The following CCSER1 variants were observed in gnomAD, a reference collection of about 807,000 sequenced individuals.
CCSER1 encodes the protein coiled-coil serine rich protein 1.
In CCSER1, 41 loss-of-function variants were observed where a neutral mutation model predicts 82.0. The ratio of observed to expected loss-of-function variants is 0.50; its 90% CI spans 0.39 to 0.65. CCSER1 has a LOEUF of 0.65. CCSER1 is among the 30% of genes least tolerant of loss of function. The probability of loss-of-function intolerance (pLI) is 0.00; values close to 1 mark genes in which losing one functional copy is unlikely to be tolerated. For missense variants in CCSER1, 1,119 were observed against 1,064.2 expected (o/e 1.05, Z -0.72); for synonymous variants, 414 against 383.9 (o/e 1.08, Z -0.92).
intron 10 of CCSER1, among the ~76,000 whole-genome samples, chr4:91,091,419 A>C (rs543507791): frequency 6.6e-6 from 1 of 152,352 alleles, no homozygotes; most frequent in African/African-American, 2.4e-5. Context: ...CATAATAACT[A>C]TAGAACAAAA....
chr4:90,635,954 G>A (rs1193146443), intron 6 of CCSER1, among the ~76,000 whole-genome samples: 1 of 151,450 alleles, frequency 6.6e-6, no homozygotes, highest in Non-Finnish European at 1.5e-5. Context: ...TCCAAACGAA[G>A]CATGTAGAAA....
At chr4:90,686,717 G>A (rs1049307460) in intron 6 of CCSER1, among the ~76,000 whole-genome samples, 3 of 151,988 alleles carry the variant, frequency 2.0e-5, no homozygotes, top group Non-Finnish European at 2.9e-5. Flanking sequence ...TCCCAAATGG[G>A]CAAGCATTTA....
At chr4:91,312,832 A>G (rs1486752647) in intron 10 of CCSER1, among the ~76,000 whole-genome samples, 1 of 151,972 alleles carries the variant, frequency 6.6e-6, no homozygotes, top group Non-Finnish European at 1.5e-5. Context: ...TACCCTATAA[A>G]TGTATATACA....
intron 5 of CCSER1, among the ~76,000 whole-genome samples, chr4:90,534,352 A>G (rs1775009030): frequency 6.6e-6 from 1 of 150,998 alleles, no homozygotes; most frequent in Non-Finnish European, 1.5e-5. Context: ...TATGGTCTTG[A>G]TCTTCTGACC....
At chr4:91,240,143 T>C (rs1716444906) in intron 10 of CCSER1, among the ~76,000 whole-genome samples, 1 of 56,832 alleles carries the variant, frequency 1.8e-5, no homozygotes, top group Non-Finnish European at 3.2e-5. Context: ...TGGCACGATC[T>C]TGGCTCACTG....
chr4:90,637,111 A>C (rs1379658819), intron 6 of CCSER1, among the ~76,000 whole-genome samples: 1 of 152,092 alleles, frequency 6.6e-6, no homozygotes, highest in Non-Finnish European at 1.5e-5. Context: ...GTAGTTACCT[A>C]TGGGTTATGG....
intron 10 of CCSER1, among the ~76,000 whole-genome samples, chr4:91,493,558 G>T (rs1329422139): frequency 1.3e-5 from 2 of 151,412 alleles, no homozygotes; most frequent in African/African-American, 2.4e-5. Context: ...TTATTATTTT[G>T]TTTTTCTTAG....
intron 10 of CCSER1, among the ~76,000 whole-genome samples, chr4:91,281,527 T>A (rs1742907342): frequency 6.6e-6 from 1 of 152,188 alleles, no homozygotes; most frequent in Non-Finnish European, 1.5e-5. Flanking sequence ...AACTGTGATC[T>A]GGGGAGACAA....
At chr4:90,447,586 TAA>T (rs1223725769) in intron 4 of CCSER1, among the ~76,000 whole-genome samples, 2 of 152,224 alleles carry the variant, frequency 1.3e-5, no homozygotes, top group African/African-American at 4.8e-5. Flanking sequence ...ACTAAATATG[TAA>T]AGTGACTAGT....
intron 6 of CCSER1, among the ~76,000 whole-genome samples, chr4:90,670,417 T>A (rs1297810354): frequency 6.6e-6 from 1 of 152,036 alleles, no homozygotes; most frequent in Non-Finnish European, 1.5e-5. Flanking sequence ...TTCAGCCATA[T>A]CTCATGGGGA....
intron 4 of CCSER1, among the ~76,000 whole-genome samples, chr4:90,425,880 A>AT (rs201265006): frequency 0.018 from 2,691 of 152,284 alleles, 34 homozygotes; most frequent in African/African-American, 0.038. Flanking sequence ...AGTAACAAAT[A>AT]AAGCTGTGCA....
Position 90,296,445 on chromosome 4 carries a change from C to T in CCSER1, c.-41-11799C>T, listed in dbSNP as rs143559749. ...AATTTTCTCCTATTCTGTAGGTTGC[C>T]GGTTCACTCTGATGGTGGCTTCTTT... On this transcript the variant is annotated intron_variant, in intron 1 of 10. Coordinates refer to ENST00000509176, the MANE Select transcript of CCSER1 (RefSeq NM_001145065.2). Among the ~76,000 whole-genome samples the T allele has an allele frequency of 5.2e-4, 79 of 152,100 alleles. 2 individuals carry two copies. The highest frequency in any genetic ancestry group is 4.4e-3 in the East Asian group (23 of 5,176).
At chr4:91,420,228 C>T (rs907693506) in intron 10 of CCSER1, among the ~76,000 whole-genome samples, 2 of 151,972 alleles carry the variant, frequency 1.3e-5, no homozygotes, top group Non-Finnish European at 2.9e-5. Context: ...AAAGCTTCAG[C>T]ACAGCAAAGG....
chr4:91,313,755 G>T (rs911122568), intron 10 of CCSER1, among the ~76,000 whole-genome samples: 3 of 151,868 alleles, frequency 2.0e-5, no homozygotes, highest in African/African-American at 7.3e-5. Flanking sequence ...ACATGGAAAA[G>T]ATGACCCAGT....
chr4:90,322,957 G>A (rs571895355), intron 3 of CCSER1, among the ~76,000 whole-genome samples: 5 of 152,278 alleles, frequency 3.3e-5, no homozygotes, highest in Non-Finnish European at 7.3e-5. Context: ...AGGTCCAAAT[G>A]TTCTTTAGTT....
chr4:90,987,985 G>A (rs1285421349), intron 9 of CCSER1, among the ~76,000 whole-genome samples: 1 of 151,556 alleles, frequency 6.6e-6, no homozygotes, highest in Admixed American at 6.6e-5. Flanking sequence ...GCTGCATAAA[G>A]TCAGAACTAA....
chr4:91,492,698 G>A (rs1018213081), intron 10 of CCSER1, among the ~76,000 whole-genome samples: 1 of 151,948 alleles, frequency 6.6e-6, no homozygotes, highest in Non-Finnish European at 1.5e-5. Flanking sequence ...GAGAATCCTC[G>A]GGGGCAATTT....
chr4:91,362,282 G>C (rs1392885789), intron 10 of CCSER1, among the ~76,000 whole-genome samples: 1 of 151,830 alleles, frequency 6.6e-6, no homozygotes, highest in Non-Finnish European at 1.5e-5. Context: ...GTGTCTGAGA[G>C]TGAAGATTAC....
chr4:90,385,237 T>C (rs912982334), intron 3 of CCSER1, among the ~76,000 whole-genome samples: 1 of 152,160 alleles, frequency 6.6e-6, no homozygotes, highest in Non-Finnish European at 1.5e-5. Context: ...TTTCTTTGTG[T>C]AGATACCCAG....
Sources: gnomAD v4.1 joint callset for allele counts (sites outside exome capture counted in the v4.1 genomes callset) on GRCh38, gnomAD v4.1.1 for gene constraint, MANE v1.5 for transcripts, NCBI Gene and HGNC (gene_info 2026-07-23, HGNC 2026-07-21) for gene names.